The following METTL24 variants were observed in gnomAD, a reference collection of about 807,000 sequenced individuals.
METTL24 encodes probable methyltransferase-like protein 24.
In METTL24, 29 loss-of-function variants were observed where a neutral mutation model predicts 32.7. That is an observed-to-expected ratio of 0.89 (90% CI 0.66 to 1.21). METTL24 has a LOEUF of 1.21. Ranked by LOEUF, METTL24 falls within the 50% of genes most tolerant of loss-of-function variation. The pLI, the probability that METTL24 is intolerant of heterozygous loss-of-function variation, is 0.00. For synonymous variants in METTL24, 163 were observed against 179.5 expected (o/e 0.91, Z 0.73); for missense variants, 439 against 468.1 (o/e 0.94, Z 0.57).
At chr6:110,355,497 A>G (rs1772683435) in intron 1 of METTL24, among the ~76,000 whole-genome samples, 1 of 152,124 alleles carries the variant, frequency 6.6e-6, no homozygotes, top group Admixed American at 6.5e-5. Flanking sequence ...AATAAAACTG[A>G]GCCCCAGGCC....
intron 4 of METTL24, among the ~76,000 whole-genome samples, chr6:110,248,685 C>A (rs1275229420): frequency 6.6e-6 from 1 of 151,822 alleles, no homozygotes; most frequent in Non-Finnish European, 1.5e-5. Context: ...TGCCTGTAAT[C>A]CCAGCAGGTG....
chr6:110,285,084 C>T (rs1356026363), intron 4 of METTL24, among the ~76,000 whole-genome samples: 1 of 152,216 alleles, frequency 6.6e-6, no homozygotes, highest in Non-Finnish European at 1.5e-5. Flanking sequence ...ACTAAATTGA[C>T]ATCTGTTAGC....
intron 2 of METTL24, among the ~76,000 whole-genome samples, chr6:110,322,467 A>G (rs1408423727): frequency 1.3e-5 from 2 of 152,204 alleles, no homozygotes; most frequent in African/African-American, 4.8e-5. Context: ...CACGGGGACC[A>G]ATCTGTCATT....
chr6:110,336,358 AAAT>A, intron 1 of METTL24, among the ~76,000 whole-genome samples: 1 of 152,224 alleles, frequency 6.6e-6, no homozygotes, highest in Non-Finnish European at 1.5e-5. Flanking sequence ...CTGAAATTTG[AAAT>A]CAAACACCCA....
intron 4 of METTL24, among the ~76,000 whole-genome samples, chr6:110,265,128 GGAAAGAAAGAAAGAAA>G (rs56782773): frequency 0.21 from 24,225 of 117,580 alleles, 2,837 homozygotes; most frequent in African/African-American, 0.28. Flanking sequence ...TAATAAAAAA[GGAAAGAAAGAAAGAAA>G]GAAAGAAAGA....
At chr6:110,352,896 G>T (rs1341814179) in intron 1 of METTL24, among the ~76,000 whole-genome samples, 1 of 152,164 alleles carries the variant, frequency 6.6e-6, no homozygotes, top group African/African-American at 2.4e-5. Flanking sequence ...AGACTAAAAA[G>T]GAAATCCAAT....
chr6:110,288,426 T>G (rs1171342342), intron 4 of METTL24, among the ~76,000 whole-genome samples: 12 of 152,200 alleles, frequency 7.9e-5, no homozygotes, highest in Admixed American at 7.2e-4. Context: ...GAATATGATT[T>G]GGAGGCAACA....
chr6:110,301,601 C>A (rs1771518217), intron 3 of METTL24, among the ~76,000 whole-genome samples: 1 of 152,150 alleles, frequency 6.6e-6, no homozygotes, highest in African/African-American at 2.4e-5. Context: ...CCTTAGCCAT[C>A]TCAGCCTGAA....
At chr6:110,321,137 T>G (rs888161407) in intron 2 of METTL24, among the ~76,000 whole-genome samples, 1 of 152,100 alleles carries the variant, frequency 6.6e-6, no homozygotes, top group Non-Finnish European at 1.5e-5. Context: ...CTCGGGAGGC[T>G]GAGGCAGGAG....
Position 110,299,034 on chromosome 6 carries a change from T to C in METTL24, c.674A>G (p.Tyr225Cys), listed in dbSNP as rs995077219. Reference protein sequence around the residue: ...AHILESQHLWYHRLSIDWRDP... With the variant: ...AHILESQHLWCHRLSIDWRDP... ...CCGCCAGTCAATGGACAAGCGGTGATACCAAAGGTGCTGACTCTCCAGAAT... is the reference window on the plus strand; with the variant it reads ...CCGCCAGTCAATGGACAAGCGGTGACACCAAAGGTGCTGACTCTCCAGAAT... The change falls in exon 4 of 5, where the codon TAT (tyrosine) becomes TGT (cysteine). Residue 225 changes from tyrosine (Y) to cysteine (C), a missense_variant. Physicochemically the swap from Tyr to Cys is radical, Grantham distance 194 (BLOSUM62 -2). Transcript: ENST00000338882. The C allele has an allele frequency of 6.2e-7, 1 of 1,614,224 alleles. No individual in the cohort carries two copies. Among genetic ancestry groups the C allele is most frequent in the Non-Finnish European group, 8.5e-7 (1 of 1,180,040 alleles).
chr6:110,293,961 T>A (rs530967037), intron 4 of METTL24, among the ~76,000 whole-genome samples: 194 of 152,100 alleles, frequency 1.3e-3, no homozygotes, highest in African/African-American at 4.5e-3. Context: ...ATATTTCCAC[T>A]GTTTCCACAT....
chr6:110,298,502 A>G (rs2114731379), intron 4 of METTL24, among the ~76,000 whole-genome samples: 1 of 152,332 alleles, frequency 6.6e-6, no homozygotes, highest in East Asian at 1.9e-4. Flanking sequence ...ACATGTCACA[A>G]CAGTGAGAAA....
At chr6:110,296,441 A>G (rs563807219) in intron 4 of METTL24, among the ~76,000 whole-genome samples, 47 of 152,330 alleles carry the variant, frequency 3.1e-4, no homozygotes, top group South Asian at 8.3e-4. Flanking sequence ...TCTAATCCAC[A>G]TGGTTTTGCT....
intron 4 of METTL24, among the ~76,000 whole-genome samples, chr6:110,283,920 A>G (rs550929179): frequency 7.1e-4 from 108 of 152,242 alleles, no homozygotes; most frequent in Non-Finnish European, 1.2e-3. Context: ...GGGTCAAGCA[A>G]CTCCCGTGTT....
At chr6:110,319,759 G>A (rs1303442265) in intron 2 of METTL24, among the ~76,000 whole-genome samples, 3 of 151,562 alleles carry the variant, frequency 2.0e-5, no homozygotes, top group Non-Finnish European at 2.9e-5. Context: ...TTGATGTTCC[G>A]CACACTCTAC....
intron 1 of METTL24, among the ~76,000 whole-genome samples, chr6:110,353,048 GCT>G (rs1772639351): frequency 6.6e-6 from 1 of 152,178 alleles, no homozygotes; most frequent in Non-Finnish European, 1.5e-5. Context: ...CCCACAGAAT[GCT>G]CTCTGAGGAA....
intron 4 of METTL24, among the ~76,000 whole-genome samples, chr6:110,278,872 A>T (rs1444859264): frequency 6.6e-6 from 1 of 152,118 alleles, no homozygotes; most frequent in Non-Finnish European, 1.5e-5. Context: ...AAATAGAAAA[A>T]TGAGCCAGTC....
At position 110,269,547 on chromosome 6, in the gene METTL24, T is replaced by C. The variant is rs148575005; in HGVS notation, c.787-23287A>G. 7.3e-3 allele frequency among the ~76,000 whole-genome samples: 1,112 copies of C among 152,318 alleles called. 7 individuals are homozygous for C. The highest frequency in any genetic ancestry group is 0.011 in the Admixed American group (175 of 15,282). On this transcript the variant is annotated intron_variant, in intron 4 of 4. Transcript: ENST00000338882. ...ATGCACCCACACAATTTAACCTACA[T>C]AGAGCTATGATAAAAAATGAGAGCT...
intron 1 of METTL24, among the ~76,000 whole-genome samples, chr6:110,330,957 T>A (rs942551989): frequency 4.6e-5 from 7 of 152,310 alleles, no homozygotes; most frequent in Admixed American, 3.9e-4. Context: ...GTAGGCCTGA[T>A]ACAGATGTTG....
Sources: allele counts gnomAD v4.1 joint callset (sites outside exome capture counted in the v4.1 genomes callset), GRCh38; gene constraint gnomAD v4.1.1; transcripts MANE v1.5; gene names NCBI Gene and HGNC (gene_info 2026-07-23, HGNC 2026-07-21).